The following DNER variants were observed in gnomAD, a reference collection of about 807,000 sequenced individuals.
DNER encodes the protein delta/notch like EGF repeat containing, also known as delta and Notch-like epidermal growth factor-related receptor.
Under a neutral mutation model 78.2 loss-of-function variants are expected in DNER, and 33 were observed. The observed-to-expected ratio is 0.42, with a 90% CI of 0.32 to 0.56. The LOEUF (loss-of-function observed/expected upper bound fraction) is 0.56. DNER is among the 20% of genes least tolerant of loss of function. The pLI, the probability that DNER is intolerant of heterozygous loss-of-function variation, is 0.11. For synonymous variants in DNER, 417 were observed against 384.8 expected, an observed-to-expected ratio of 1.08 and a Z score of -0.98; for missense variants, 918 against 975.3, an observed-to-expected ratio of 0.94 and a Z score of 0.78.
At chr2:229,449,177 G>C (rs1694400600) in intron 7 of DNER, among the ~76,000 whole-genome samples, 1 of 152,066 alleles carries the variant, frequency 6.6e-6, no homozygotes, top group Admixed American at 6.5e-5. Flanking sequence ...TCTCCAAAAA[G>C]TTTCTTGGCA....
intron 1 of DNER, among the ~76,000 whole-genome samples, chr2:229,687,566 C>G (rs1699506533): frequency 6.6e-6 from 1 of 152,002 alleles, no homozygotes; most frequent in African/African-American, 2.4e-5. Context: ...ACACCTGGCC[C>G]AAATTTCCAA....
intron 7 of DNER, among the ~76,000 whole-genome samples, chr2:229,466,998 A>G (rs1203690793): frequency 6.6e-6 from 1 of 152,156 alleles, no homozygotes; most frequent in Non-Finnish European, 1.5e-5. Flanking sequence ...TCAGGGAAAA[A>G]AAATCACGAA....
In DNER at chr2:229,367,055, G is replaced by A. The variant is rs1476414450; in HGVS notation, c.1920C>T (p.Tyr640=). The A allele has an allele frequency of 2.5e-6, 4 of 1,614,128 alleles. No homozygotes were observed. Among genetic ancestry groups the A allele is most frequent in the Non-Finnish European group, 1.7e-6 (2 of 1,180,004 alleles). The part of the protein sequence containing the change: ...SLTNMPRHSL[Y]IIIGALCVAF... ...CCACGCAGAGGGCTCCAATGATGAT[G>A]TAGAGGGAGTGCCGTGGCATGTTGG... Residue 640 remains tyrosine, a synonymous_variant, in exon 12 of 13, where the codon TAC becomes TAT. Coordinates refer to ENST00000341772, the MANE Select transcript of DNER (RefSeq NM_139072.4).
chr2:229,476,877 T>A (rs1351998931), intron 7 of DNER, among the ~76,000 whole-genome samples: 1 of 130,268 alleles, frequency 7.7e-6, no homozygotes, highest in Non-Finnish European at 1.8e-5. Flanking sequence ...CCATTAGAGA[T>A]TCTATTTTAT....
chr2:229,622,927 TTAC>T (rs906783117), intron 1 of DNER, among the ~76,000 whole-genome samples: 7 of 152,108 alleles, frequency 4.6e-5, no homozygotes, highest in Non-Finnish European at 7.4e-5. Context: ...AGAGAATAAA[TTAC>T]TGTTGTTTAA....
At chr2:229,474,694 G>C (rs1162746342) in intron 7 of DNER, among the ~76,000 whole-genome samples, 2 of 152,164 alleles carry the variant, frequency 1.3e-5, no homozygotes, top group African/African-American at 4.8e-5. Context: ...TCTCTCACAA[G>C]GGTTCCAACA....
intron 8 of DNER, among the ~76,000 whole-genome samples, chr2:229,428,691 C>G (rs527640355): frequency 6.0e-4 from 91 of 151,340 alleles, no homozygotes; most frequent in South Asian, 1.7e-3. Context: ...AAAATCAGTT[C>G]ATTTTAATGA....
chr2:229,645,776 C>T (rs1698707527), intron 1 of DNER, among the ~76,000 whole-genome samples: 1 of 152,188 alleles, frequency 6.6e-6, no homozygotes, highest in African/African-American at 2.4e-5. Context: ...TGTGCCAAGT[C>T]CTGTGCAAGG....
chr2:229,533,591 G>A (rs906581635), intron 5 of DNER, among the ~76,000 whole-genome samples: 1 of 152,130 alleles, frequency 6.6e-6, no homozygotes, highest in African/African-American at 2.4e-5. Context: ...AATGGAATGT[G>A]CGTACCAGGC....
At chr2:229,553,550 AT>A (rs1696790129) in intron 4 of DNER, among the ~76,000 whole-genome samples, 1 of 152,204 alleles carries the variant, frequency 6.6e-6, no homozygotes, top group Non-Finnish European at 1.5e-5. Context: ...AAGGGAACCC[AT>A]CAAGGAAGAA....
At chr2:229,695,915 G>A (rs553660869) in intron 1 of DNER, among the ~76,000 whole-genome samples, 1 of 152,284 alleles carries the variant, frequency 6.6e-6, no homozygotes, top group East Asian at 1.9e-4. Flanking sequence ...ACTGCTCCCT[G>A]ATGGAGATTT....
chr2:229,599,489 T>C (rs898963535), intron 1 of DNER, among the ~76,000 whole-genome samples: 2 of 152,244 alleles, frequency 1.3e-5, no homozygotes, highest in African/African-American at 2.4e-5. Context: ...TTTAGCAGCA[T>C]GCTGTGTCCT....
At chr2:229,697,428 A>C (rs1004497226) in intron 1 of DNER, among the ~76,000 whole-genome samples, 3 of 152,240 alleles carry the variant, frequency 2.0e-5, no homozygotes, top group Admixed American at 6.5e-5. Context: ...TAGATTATGA[A>C]CATACAAAAT....
intron 6 of DNER, among the ~76,000 whole-genome samples, chr2:229,481,385 G>A (rs184192464): frequency 6.6e-6 from 1 of 152,290 alleles, no homozygotes; most frequent in East Asian, 1.9e-4. Flanking sequence ...GAAGAGGAGA[G>A]GCAGAGGACA....
intron 7 of DNER, among the ~76,000 whole-genome samples, chr2:229,473,361 T>C (rs190744094): frequency 3.3e-5 from 5 of 152,336 alleles, no homozygotes; most frequent in African/African-American, 4.8e-5. Context: ...AAGAATATAT[T>C]CAGAGATGGT....
chr2:229,548,486 A>ATT (rs1352804172), intron 4 of DNER, among the ~76,000 whole-genome samples: 1 of 152,170 alleles, frequency 6.6e-6, no homozygotes, highest in Non-Finnish European at 1.5e-5. Flanking sequence ...GCAAACTATC[A>ATT]CAAGATCAGA....
intron 6 of DNER, among the ~76,000 whole-genome samples, chr2:229,501,010 T>C (rs62192046): frequency 0.15 from 22,846 of 152,116 alleles, 1,978 homozygotes; most frequent in East Asian, 0.37. Flanking sequence ...CTGGAGGACA[T>C]TGTGCTAAGG....
intron 6 of DNER, among the ~76,000 whole-genome samples, chr2:229,507,400 A>G (rs1018376577): frequency 6.6e-6 from 1 of 152,242 alleles, no homozygotes; most frequent in Non-Finnish European, 1.5e-5. Context: ...ATATGCCTAC[A>G]TGTGCTATAA....
rs560029040 is a variant in DNER at position 229,714,307 on chromosome 2, G to A, written c.117C>T (p.Ala39=). Residue 39 remains alanine, a synonymous_variant, in exon 1 of 13, where the codon GCC becomes GCT. Coordinates refer to ENST00000341772, the MANE Select transcript of DNER (RefSeq NM_139072.4). The part of the protein sequence containing the change: ...RGSSLANPVP[A]APLSAPGPCA... ...ACGGCCCGGGCGCAGACAGGGGCGC[G>A]GCGGGCACCGGGTTGGCCAGGGAGC... 18 of 1,300,060 alleles carry A rather than the reference G, an allele frequency of 1.4e-5. No individual in the cohort carries two copies. In the East Asian group the frequency reaches 2.9e-4, roughly 21 times the overall value. The allele number at this position is 1,300,060 out of a possible 1,614,324, so 80.5% of individuals were successfully genotyped here.
Sources: allele counts gnomAD v4.1 joint callset (sites outside exome capture counted in the v4.1 genomes callset), GRCh38; gene constraint gnomAD v4.1.1; transcripts MANE v1.5; gene names NCBI Gene and HGNC (gene_info 2026-07-23, HGNC 2026-07-21).